DENND4C: variants seen among roughly 807,000 people sequenced by gnomAD.
DENND4C encodes the protein DENN domain containing 4C.
Under a neutral mutation model 203.0 loss-of-function variants are expected in DENND4C, and 108 were observed. The ratio of observed to expected loss-of-function variants is 0.53; its 90% CI spans 0.46 to 0.62. The LOEUF (loss-of-function observed/expected upper bound fraction) is 0.62. Among genes scored for constraint, DENND4C ranks in the 20% least tolerant of loss-of-function variants. The pLI, the probability that DENND4C is intolerant of heterozygous loss-of-function variation, is 0.00. For missense variants in DENND4C, 2,481 were observed against 2,301.2 expected (o/e 1.08, Z -1.60); for synonymous variants, 871 against 792.4 (o/e 1.10, Z -1.67).
chr9:19,328,460 A>G (rs1179938659), intron 16 of DENND4C, among the ~76,000 whole-genome samples: 2 of 151,688 alleles, frequency 1.3e-5, no homozygotes, highest in Non-Finnish European at 2.9e-5. Flanking sequence ...TAAAAATACA[A>G]AAATTAGCTG....
intron 17 of DENND4C, among the ~76,000 whole-genome samples, chr9:19,333,072 T>G (rs1363385303): frequency 6.6e-6 from 1 of 151,850 alleles, no homozygotes; most frequent in Non-Finnish European, 1.5e-5. Context: ...TGGAGTGCAG[T>G]GGCACTGTCA....
intron 9 of DENND4C, among the ~76,000 whole-genome samples, chr9:19,300,977 C>T (rs184503994): frequency 4.7e-4 from 71 of 152,114 alleles, no homozygotes; most frequent in Non-Finnish European, 8.2e-4. Flanking sequence ...GTCAGGAGTT[C>T]GAGACCAGCC....
chr9:19,335,121 A>T lies in DENND4C; in HGVS notation c.2589+16A>T. ...TTATAATAAGGTAAGTAGGATCGAC[A>T]TTAGGCAAGATGTGGTGTTTATTAA... is the stretch of plus-strand genomic sequence containing the variant. On this transcript the variant is annotated intron_variant, in intron 18 of 32. Transcript: ENST00000434457. The T allele has an allele frequency of 6.6e-7, 1 of 1,521,432 alleles. No individual in the cohort carries two copies. The highest frequency in any genetic ancestry group is 8.8e-7 in the Non-Finnish European group (1 of 1,131,552). 94.2% of individuals were successfully genotyped at this position (1,521,432 alleles called of 1,614,324 possible). A position where few individuals can be genotyped will look rare whatever the true frequency, so the allele number is the denominator to read the frequency against.
intron 5 of DENND4C, among the ~76,000 whole-genome samples, chr9:19,294,840 C>T (rs1405652364): frequency 6.6e-6 from 1 of 152,018 alleles, no homozygotes; most frequent in African/African-American, 2.4e-5. Context: ...AGAATAGCTA[C>T]CCTTATAGAG....
chr9:19,236,025 A>G (rs932204629), intron 1 of DENND4C, among the ~76,000 whole-genome samples: 1 of 151,134 alleles, frequency 6.6e-6, no homozygotes, highest in African/African-American at 2.4e-5. Context: ...ATTAGCCAGG[A>G]GATATTCTCA....
At chr9:19,334,830 C>T (rs749211894) in intron 17 of DENND4C, 147 bp from the exon 18 acceptor site, 3 of 806,388 alleles carry the variant, frequency 3.7e-6, no homozygotes, top group Non-Finnish European at 5.5e-6. Flanking sequence ...CTGAATAGGT[C>T]TTAAAAATAA....
chr9:19,297,089 T>A (rs925519455), intron 6 of DENND4C, among the ~76,000 whole-genome samples: 2 of 152,220 alleles, frequency 1.3e-5, no homozygotes, highest in Non-Finnish European at 2.9e-5. Flanking sequence ...GCGCATTGAC[T>A]TCTGTTTATG....
At chr9:19,249,257 G>GTT (rs548106647) in intron 1 of DENND4C, among the ~76,000 whole-genome samples, 10 of 142,610 alleles carry the variant, frequency 7.0e-5, no homozygotes, top group Non-Finnish European at 1.1e-4. Flanking sequence ...AGTAATTTTT[G>GTT]TTTTTTTTTT....
At chr9:19,348,886 G>C (rs1823487750) in intron 23 of DENND4C, among the ~76,000 whole-genome samples, 1 of 152,124 alleles carries the variant, frequency 6.6e-6, no homozygotes, top group Non-Finnish European at 1.5e-5. Flanking sequence ...ATGGCTCACT[G>C]TAGCCTTGAC....
intron 1 of DENND4C, among the ~76,000 whole-genome samples, chr9:19,271,686 G>A (rs1831702676): frequency 6.6e-6 from 1 of 151,962 alleles, no homozygotes; most frequent in Non-Finnish European, 1.5e-5. Context: ...GACCAACATG[G>A]AGAAACCCCG....
intron 1 of DENND4C, among the ~76,000 whole-genome samples, chr9:19,271,298 C>T (rs1831609324): frequency 1.3e-5 from 2 of 148,554 alleles, no homozygotes; most frequent in South Asian, 4.2e-4. Context: ...CTCACTAATT[C>T]AAGTGATTCT....
chr9:19,256,309 G>GTTTTTTTTTTTTTTTTTT (rs1165191635), intron 1 of DENND4C, among the ~76,000 whole-genome samples: 3 of 84,880 alleles, frequency 3.5e-5, no homozygotes, highest in South Asian at 4.0e-4. Flanking sequence ...TTTTTTTTTT[G>GTTTTTTTTTTTTTTTTTT]TTTTTTTTTT....
At chr9:19,291,103 C>G (rs12379779) in intron 5 of DENND4C, among the ~76,000 whole-genome samples, 1 of 152,060 alleles carries the variant, frequency 6.6e-6, no homozygotes, top group Admixed American at 6.5e-5. Context: ...TGGATAGACA[C>G]CTTCAAAACC....
At chr9:19,365,721 G>GC (rs1404466246) in intron 30 of DENND4C, among the ~76,000 whole-genome samples, 1 of 150,370 alleles carries the variant, frequency 6.7e-6, no homozygotes, top group East Asian at 1.9e-4. Context: ...AACTGCATAA[G>GC]TTCAGCAAGG....
In DENND4C at chr9:19,361,215, C is replaced by A. The variant is rs144841713; in HGVS notation, c.5407-631C>A. ...TCCCAGCTGCAATTCTCACAACCAC[C>A]TTATTTGAAAGGACCCATATTATCC... On this transcript the variant is annotated intron_variant, in intron 29 of 32. Transcript: ENST00000434457. Among the ~76,000 whole-genome samples, 496 of 152,248 alleles carry A rather than the reference C, an allele frequency of 3.3e-3. 2 individuals are homozygous for A. The highest frequency in any genetic ancestry group is 0.011 in the African/African-American group (475 of 41,534).
intron 12 of DENND4C, among the ~76,000 whole-genome samples, chr9:19,321,642 T>C (rs200311499): frequency 2.0e-5 from 3 of 151,560 alleles, no homozygotes; most frequent in African/African-American, 7.3e-5. Context: ...GTCAGGAGTT[T>C]GAGATCAGCC....
At chr9:19,233,692 A>C (rs2131326285) in intron 1 of DENND4C, among the ~76,000 whole-genome samples, 1 of 140,080 alleles carries the variant, frequency 7.1e-6, no homozygotes. Context: ...TCCCAGATGC[A>C]AGCGATTCTC....
intron 9 of DENND4C, among the ~76,000 whole-genome samples, chr9:19,305,054 T>C (rs1311944130): frequency 2.0e-5 from 3 of 152,144 alleles, no homozygotes; most frequent in African/African-American, 7.2e-5. Context: ...TTTATTTTGA[T>C]TCTTTCCATA....
chr9:19,347,843 T>C (rs1298757324), intron 23 of DENND4C, among the ~76,000 whole-genome samples: 1 of 152,214 alleles, frequency 6.6e-6, no homozygotes, highest in Non-Finnish European at 1.5e-5. Flanking sequence ...TTAATACATA[T>C]GAAGTCAAGC....
Sources: gnomAD v4.1 joint callset for allele counts (sites outside exome capture counted in the v4.1 genomes callset) on GRCh38, gnomAD v4.1.1 for gene constraint, MANE v1.5 for transcripts, NCBI Gene and HGNC (gene_info 2026-07-23, HGNC 2026-07-21) for gene names.